Variants in CADM2 observed in about 807,000 individuals in gnomAD.
CADM2 encodes the protein immunoglobulin superfamily member 4D.
In CADM2, 12 loss-of-function variants were observed where a neutral mutation model predicts 49.8. That is an observed-to-expected ratio of 0.24 (90% CI 0.15 to 0.39). The LOEUF is 0.39. Ranked by LOEUF, CADM2 falls within the 10% of genes least tolerant of loss-of-function variation. The probability of loss-of-function intolerance (pLI) is 1.00; values close to 1 mark genes in which losing one functional copy is unlikely to be tolerated. For synonymous variants in CADM2, 214 were observed against 175.4 expected, an observed-to-expected ratio of 1.22 and a Z score of -1.74; for missense variants, 378 against 492.3, an observed-to-expected ratio of 0.77 and a Z score of 2.20.
In CADM2 at chr3:86,074,181, G is replaced by T. The variant is rs1161718211; in HGVS notation, c.*7398G>T. ...ATATATTTCAGCTACCTAAGATAAT[G>T]CAATTAATCATATATCCAACCTAAG... On this transcript the variant is annotated 3_prime_UTR_variant, in exon 10 of 10. Coordinates refer to ENST00000383699, the MANE Select transcript of CADM2 (RefSeq NM_001167675.2). 1 of 151,850 alleles carries T rather than the reference G, an allele frequency of 6.6e-6. No homozygotes were observed. Among genetic ancestry groups the T allele is most frequent in the East Asian group, 1.9e-4 (1 of 5,188 alleles). The allele number at this position is 151,850 out of a possible 1,614,324, so 9.4% of individuals were successfully genotyped here.
At chr3:85,013,142 TAAAA>T (rs56736286) in intron 1 of CADM2, among the ~76,000 whole-genome samples, 4 of 143,950 alleles carry the variant, frequency 2.8e-5, no homozygotes, top group Admixed American at 6.9e-5. Context: ...CACTGGAAAT[TAAAA>T]AAAAAAAAAA....
At chr3:85,486,317 T>C (rs80081800) in intron 1 of CADM2, among the ~76,000 whole-genome samples, 2 of 141,002 alleles carry the variant, frequency 1.4e-5, no homozygotes, top group Admixed American at 7.3e-5. Context: ...ACAATAGAAA[T>C]AGAAACATTT....
chr3:85,082,923 A>C (rs545708495), intron 1 of CADM2, among the ~76,000 whole-genome samples: 9 of 152,312 alleles, frequency 5.9e-5, no homozygotes, highest in Non-Finnish European at 1.2e-4. Flanking sequence ...GTCCTGAAGA[A>C]GTTTAAAAAA....
intron 1 of CADM2, among the ~76,000 whole-genome samples, chr3:85,046,339 G>A (rs1487661579): frequency 1.0e-4 from 6 of 57,826 alleles, no homozygotes; most frequent in Non-Finnish European, 2.1e-4. Context: ...TTTTTTTTTT[G>A]GAGTCAGATC....
At chr3:85,380,304 ATTTTTTTATATACACAATATATAAATG>A (rs1206626507) in intron 1 of CADM2, among the ~76,000 whole-genome samples, 1 of 151,914 alleles carries the variant, frequency 6.6e-6, no homozygotes, top group Non-Finnish European at 1.5e-5. Context: ...TAATCATAAG[ATTTTTTTATATACACAATATATAAATG>A]TTGCTTTTTT....
Position 85,963,860 on chromosome 3 carries a change from A to G in CADM2, c.970+2213A>G, listed in dbSNP as rs114760972. Among the ~76,000 whole-genome samples, 1,147 of 151,920 alleles carry G rather than the reference A, an allele frequency of 7.6e-3. 18 individuals carry two copies. The highest frequency in any genetic ancestry group is 0.026 in the African/African-American group (1,087 of 41,504). ...TTTTGGCTTTGCTTTTTGAACTACA[A>G]TTCATCAAAAGCATCCCATAGATTA... On this transcript the variant is annotated intron_variant, in intron 8 of 9. Coordinates refer to ENST00000383699, the MANE Select transcript of CADM2 (RefSeq NM_001167675.2).
intron 1 of CADM2, among the ~76,000 whole-genome samples, chr3:85,635,482 T>G (rs370713338): frequency 1.3e-5 from 2 of 152,288 alleles, no homozygotes. Context: ...CGAAGATTGT[T>G]GCACACTATA....
chr3:85,886,362 T>G (rs1713653971), intron 5 of CADM2, 35 bp downstream of exon 5: 3 of 1,498,010 alleles, frequency 2.0e-6, no homozygotes, highest in Admixed American at 1.7e-5. Flanking sequence ...AAAATTAATG[T>G]GCTGAAACCA....
chr3:85,745,187 T>C (rs1237947563), intron 2 of CADM2, among the ~76,000 whole-genome samples: 1 of 152,210 alleles, frequency 6.6e-6, no homozygotes, highest in African/African-American at 2.4e-5. Flanking sequence ...TTTGATGTTA[T>C]TACTGGATTG....
chr3:85,103,233 G>A (rs548954571), intron 1 of CADM2, among the ~76,000 whole-genome samples: 7 of 152,220 alleles, frequency 4.6e-5, no homozygotes, highest in South Asian at 2.1e-4. Flanking sequence ...CAGATGACTC[G>A]ATTGATGGTT....
At position 85,111,801 on chromosome 3, in the gene CADM2, A is replaced by G. The variant is rs2038469157; in HGVS notation, c.61+152133A>G. The stretch of plus-strand genomic sequence containing the variant: ...ATAAATACTTGAGGTAATAGATTAA[A>G]TTAATTTAAGGAAATGCCATCAACT... On this transcript the variant is annotated intron_variant, in intron 1 of 9. Transcript: ENST00000383699. 2.6e-5 allele frequency among the ~76,000 whole-genome samples: 4 copies of G among 151,944 alleles called. 1 individual carries two copies. The highest frequency in any genetic ancestry group is 5.9e-5 in the Non-Finnish European group (4 of 67,848).
At chr3:85,556,425 G>T (rs994209561) in intron 1 of CADM2, among the ~76,000 whole-genome samples, 17 of 152,108 alleles carry the variant, frequency 1.1e-4, no homozygotes, top group African/African-American at 3.9e-4. Flanking sequence ...TTGCTCAATA[G>T]TCAACTCTAT....
chr3:85,315,099 A>C (rs546229109), intron 1 of CADM2, among the ~76,000 whole-genome samples: 1 of 152,278 alleles, frequency 6.6e-6, no homozygotes, highest in African/African-American at 2.4e-5. Flanking sequence ...AGAATTCCTT[A>C]GCTTGCAGAT....
At chr3:85,708,713 G>A (rs1267561882) in intron 1 of CADM2, among the ~76,000 whole-genome samples, 2 of 151,964 alleles carry the variant, frequency 1.3e-5, no homozygotes, top group Non-Finnish European at 2.9e-5. Flanking sequence ...TCCAGTTTTG[G>A]CTTTTATTTA....
intron 2 of CADM2, among the ~76,000 whole-genome samples, chr3:85,761,367 C>CTTTTTTTTTTTTTT (rs529447125): frequency 4.9e-5 from 5 of 101,092 alleles, no homozygotes; most frequent in African/African-American, 1.9e-4. Context: ...CAACACAAAA[C>CTTTTTTTTTTTTTT]TTTTTTTTTT....
chr3:85,338,780 G>A (rs1299315689), intron 1 of CADM2, among the ~76,000 whole-genome samples: 3 of 151,354 alleles, frequency 2.0e-5, no homozygotes, highest in African/African-American at 7.3e-5. Context: ...GACAATAAAA[G>A]TCACCAAATT....
intron 1 of CADM2, among the ~76,000 whole-genome samples, chr3:85,649,917 G>T (rs1239771737): frequency 6.6e-6 from 1 of 152,140 alleles, no homozygotes; most frequent in African/African-American, 2.4e-5. Flanking sequence ...AAGAGGATTA[G>T]TGAGAAGTGA....
At chr3:85,179,161 A>G (rs1383214740) in intron 1 of CADM2, among the ~76,000 whole-genome samples, 1 of 151,962 alleles carries the variant, frequency 6.6e-6, no homozygotes, top group Non-Finnish European at 1.5e-5. Flanking sequence ...AGGTGTTTGA[A>G]TGTTTACCTG....
chr3:85,774,128 G>T (rs1056555940), intron 2 of CADM2, among the ~76,000 whole-genome samples: 1 of 151,342 alleles, frequency 6.6e-6, no homozygotes, highest in African/African-American at 2.4e-5. Flanking sequence ...TTTAACTAAA[G>T]AACAGGAATA....
Sources: allele counts gnomAD v4.1 joint callset (sites outside exome capture counted in the v4.1 genomes callset), GRCh38; gene constraint gnomAD v4.1.1; transcripts MANE v1.5; gene names NCBI Gene and HGNC (gene_info 2026-07-23, HGNC 2026-07-21).